Variants in RAF1 observed in about 807,000 individuals in gnomAD.
RAF1 encodes the protein Raf-1 proto-oncogene, serine/threonine kinase.
In RAF1, 27 loss-of-function variants were observed where a neutral mutation model predicts 81.1. The observed-to-expected ratio is 0.33, with a 90% CI of 0.25 to 0.46. RAF1 has a LOEUF of 0.46. Ranked by LOEUF, RAF1 falls within the 20% of genes least tolerant of loss-of-function variation. RAF1 has a pLI of 1.00. For missense variants in RAF1, 598 were observed against 826.0 expected (o/e 0.72, Z 3.38); for synonymous variants, 298 against 294.0 (o/e 1.01, Z -0.14).
intron 1 of RAF1, among the ~76,000 whole-genome samples, chr3:12,645,217 C>G (rs1000148280): frequency 6.6e-6 from 1 of 151,874 alleles, no homozygotes; most frequent in Non-Finnish European, 1.5e-5. Context: ...CTTCTGAGAA[C>G]CCAGCAATGC....
intron 2 of RAF1, among the ~76,000 whole-genome samples, chr3:12,613,234 A>G (rs551469373): frequency 4.6e-5 from 7 of 152,326 alleles, no homozygotes; most frequent in African/African-American, 1.7e-4. Flanking sequence ...GAGTTTTGAT[A>G]AAAGCCCTCC....
chr3:12,623,317 T>A (rs1461615647), intron 1 of RAF1, among the ~76,000 whole-genome samples: 1 of 152,220 alleles, frequency 6.6e-6, no homozygotes, highest in African/African-American at 2.4e-5. Context: ...AATTTTACAA[T>A]GAATTCTAAG....
chr3:12,647,868 C>T (rs1156419206), intron 1 of RAF1, among the ~76,000 whole-genome samples: 1 of 152,120 alleles, frequency 6.6e-6, no homozygotes, highest in Non-Finnish European at 1.5e-5. Context: ...AGAAATAAGC[C>T]ACTCTACTCT....
intron 1 of RAF1, among the ~76,000 whole-genome samples, chr3:12,647,076 C>G (rs1264811544): frequency 6.9e-6 from 1 of 145,520 alleles, no homozygotes; most frequent in Non-Finnish European, 1.5e-5. Context: ...GCGGGCAGAT[C>G]ACGAGGTCAG....
chr3:12,618,397 AAAAAT>A, intron 2 of RAF1, 113 bp downstream of exon 2: 1 of 1,119,222 alleles, frequency 8.9e-7, no homozygotes, highest in Non-Finnish European at 1.3e-6. Flanking sequence ...TTAGAAAAAA[AAAAAT>A]AAAGACCCTA....
intron 1 of RAF1, among the ~76,000 whole-genome samples, chr3:12,638,170 G>A (rs1220663312): frequency 2.6e-5 from 4 of 152,206 alleles, no homozygotes; most frequent in South Asian, 2.1e-4. Context: ...AAGAAGCTAA[G>A]TTCAGTTCAC....
At chr3:12,654,048 A>G (rs1256556824) in intron 1 of RAF1, among the ~76,000 whole-genome samples, 1 of 150,366 alleles carries the variant, frequency 6.7e-6, no homozygotes. Flanking sequence ...CTAGAGCACC[A>G]TGGCACAATC....
rs727504719 is a variant in RAF1, at chr3:12,599,736, T to C, written c.1123A>G (p.Ile375Val). The change falls in exon 11 of 18, where the codon ATT becomes GTT. Residue 375 changes from isoleucine (I) to valine (V), a missense_variant. Physicochemically the swap from Ile to Val is conservative, Grantham distance 29. This residue lies in a region of RAF1 where 85 missense variants were observed against 185.6 expected (regional missense o/e 0.46). Coordinates refer to ENST00000442415, the MANE Select transcript of RAF1 (RefSeq NM_001354689.3). ...ACAGTTCCAAAAGAGCCTGACCCAATCCGAGTGGACAGCATCACTTCACTG... is the reference window on the plus strand; with the variant it reads ...ACAGTTCCAAAAGAGCCTGACCCAACCCGAGTGGACAGCATCACTTCACTG... 1 of 1,614,026 alleles carries C rather than the reference T, an allele frequency of 6.2e-7. No individual in the cohort carries two copies. The highest frequency in any genetic ancestry group is 8.5e-7 in the Non-Finnish European group (1 of 1,180,032).
chr3:12,598,235 T>G (rs578077994), intron 11 of RAF1, among the ~76,000 whole-genome samples: 11 of 152,156 alleles, frequency 7.2e-5, no homozygotes, highest in African/African-American at 2.4e-4. Context: ...GTTCTTGAAC[T>G]CCTAGGCTCA....
intron 13 of RAF1, 41 bp from the exon 13 acceptor site, chr3:12,587,678 G>A (rs924671644): frequency 2.6e-6 from 4 of 1,535,608 alleles, no homozygotes; most frequent in Non-Finnish European, 2.7e-6. Flanking sequence ...AGTTTGAGGG[G>A]CATGAGTAGA....
chr3:12,625,294 G>A (rs527600375), intron 1 of RAF1, among the ~76,000 whole-genome samples: 1 of 152,174 alleles, frequency 6.6e-6, no homozygotes, highest in East Asian at 1.9e-4. Flanking sequence ...TGTTGCCCAG[G>A]CTGGTCTTGA....
At position 12,648,669 on chromosome 3, in the gene RAF1, C is replaced by T. The variant is rs548501533; in HGVS notation, c.-27+15144G>A. ...GCTGAGGCACGAGAATCATGTGAAC[C>T]CAGGAAGCAGAGGTGGCTGTGAGCC... On this transcript the variant is annotated intron_variant, in intron 1 of 17. Transcript: ENST00000442415. Among the ~76,000 whole-genome samples the T allele has an allele frequency of 1.7e-3, 260 of 152,134 alleles. 1 individual carries two copies. The highest frequency in any genetic ancestry group is 5.9e-3 in the African/African-American group (245 of 41,496).
At chr3:12,655,004 C>CG (rs955377279) in intron 1 of RAF1, among the ~76,000 whole-genome samples, 1 of 145,736 alleles carries the variant, frequency 6.9e-6, no homozygotes, top group Admixed American at 6.8e-5. Context: ...AGTGAGACCC[C>CG]CCCCCCGCCA....
chr3:12,629,879 TTCA>T (rs1309274939), intron 1 of RAF1, among the ~76,000 whole-genome samples: 1 of 152,170 alleles, frequency 6.6e-6, no homozygotes, highest in African/African-American at 2.4e-5. Context: ...TTGAGCCACG[TTCA>T]AGCAATCCTC....
Position 12,660,365 on chromosome 3 carries a change from T to C in RAF1, c.-27+3448A>G, listed in dbSNP as rs147739116. Among the ~76,000 whole-genome samples the C allele has an allele frequency of 4.5e-3, 682 of 152,106 alleles. 2 individuals are homozygous for C. The highest frequency in any genetic ancestry group is 0.016 in the African/African-American group (653 of 41,514). The stretch of plus-strand genomic sequence containing the variant: ...ACACTGGAGTACAGTGGCATGAACA[T>C]GGCTCACTGCAGCCTCAATCTCCCT... On this transcript the variant is annotated intron_variant, in intron 1 of 17. Transcript: ENST00000442415.
chr3:12,652,387 G>A (rs1057481980), intron 1 of RAF1, among the ~76,000 whole-genome samples: 1 of 151,334 alleles, frequency 6.6e-6, no homozygotes, highest in African/African-American at 2.4e-5. Flanking sequence ...TGGGCATGGT[G>A]GCCGGTGCCT....
intron 1 of RAF1, among the ~76,000 whole-genome samples, chr3:12,663,291 C>G (rs1019231169): frequency 6.6e-6 from 1 of 152,124 alleles, no homozygotes; most frequent in Non-Finnish European, 1.5e-5. Flanking sequence ...GTCCTGATAC[C>G]CAAGGCTAGT....
In RAF1 at chr3:12,600,709, G is replaced by A. The variant is rs150188786; in HGVS notation, c.895-294C>T. On this transcript the variant is annotated intron_variant, in intron 8 of 17. Transcript: ENST00000442415. Reference sequence around the variant, plus strand: ...CCCGAGTAGCTGGGATTACAGGTGTGCACCAGCACGCCCGGCTAATTTTTG... The same window carrying A: ...CCCGAGTAGCTGGGATTACAGGTGTACACCAGCACGCCCGGCTAATTTTTG... Among the ~76,000 whole-genome samples, 12 of 152,304 alleles carry A rather than the reference G, an allele frequency of 7.9e-5. No individual in the cohort carries two copies. In the East Asian group the frequency reaches 1.7e-3, roughly 22 times the overall value.
intron 7 of RAF1, among the ~76,000 whole-genome samples, 159 bp downstream of exon 7, chr3:12,603,977 C>T (rs2058945258): frequency 6.6e-6 from 1 of 152,180 alleles, no homozygotes; most frequent in Admixed American, 6.5e-5. Flanking sequence ...TTCAGCCAGT[C>T]TGAAGATATT....
Sources: gnomAD v4.1 joint callset for allele counts (sites outside exome capture counted in the v4.1 genomes callset) on GRCh38, gnomAD v4.1.1 for gene constraint, gnomAD v4.1.1 regional missense constraint, MANE v1.5 for transcripts, NCBI Gene and HGNC (gene_info 2026-07-23, HGNC 2026-07-21) for gene names.